The following OR51B5 variants were observed in gnomAD, a reference collection of about 807,000 sequenced individuals.
OR51B5 encodes the protein olfactory receptor family 51 subfamily B member 5, also known as olfactory receptor 51B5.
For missense variants in OR51B5, 456 were observed against 374.6 expected, an observed-to-expected ratio of 1.22 and a Z score of -1.79; for synonymous variants, 186 against 144.8, an observed-to-expected ratio of 1.28 and a Z score of -2.04.
chr11:5,495,825 C>T (rs1353386206), intron 1 of OR51B5, among the ~76,000 whole-genome samples: 2 of 152,102 alleles, frequency 1.3e-5, no homozygotes, highest in Non-Finnish European at 1.5e-5. Flanking sequence ...AACTATATAC[C>T]GCCTGCAAAA....
At chr11:5,385,598 T>C (rs890816895) in intron 1 of OR51B5, 5 of 152,052 alleles carry the variant, frequency 3.3e-5, no homozygotes. Flanking sequence ...AAATGAATTA[T>C]TAGGTTGGTG....
chr11:5,489,734 C>A (rs767656962), intron 1 of OR51B5: 8 of 1,024,396 alleles, frequency 7.8e-6, no homozygotes, highest in Non-Finnish European at 1.2e-5. Context: ...CATGGACACA[C>A]AGTGATGATG....
At chr11:5,343,060 AACAACGGAT>A (rs1848925106) in exon 1 of OR51B5, 2 of 1,613,558 alleles carry the variant, frequency 1.2e-6, no homozygotes, top group Admixed American at 1.7e-5. Context: ...TGATTGGGGG[AACAACGGAT>A]ACAAATCCCC....
intron 1 of OR51B5, among the ~76,000 whole-genome samples, chr11:5,480,426 C>A (rs1851399998): frequency 6.6e-6 from 1 of 150,970 alleles, no homozygotes; most frequent in Non-Finnish European, 1.5e-5. Flanking sequence ...AAATTGACAC[C>A]CTAACATCAC....
chr11:5,460,084 A>G (rs1489177547), intron 1 of OR51B5, among the ~76,000 whole-genome samples: 2 of 152,062 alleles, frequency 1.3e-5, no homozygotes, highest in African/African-American at 2.4e-5. Context: ...TCATGAGATC[A>G]TGTCCTTTTC....
chr11:5,419,267 A>G (rs1850293376), intron 1 of OR51B5, among the ~76,000 whole-genome samples: 1 of 152,180 alleles, frequency 6.6e-6, no homozygotes, highest in East Asian at 1.9e-4. Context: ...AGGAATGAAA[A>G]TGTCTTTAGC....
intron 1 of OR51B5, among the ~76,000 whole-genome samples, chr11:5,379,151 G>T (rs1849572549): frequency 6.6e-6 from 1 of 151,970 alleles, no homozygotes; most frequent in Non-Finnish European, 1.5e-5. Context: ...ATGAGTTCAT[G>T]TCCTTTGTAG....
intron 1 of OR51B5, among the ~76,000 whole-genome samples, chr11:5,457,278 A>C (rs1850974431): frequency 6.6e-6 from 1 of 152,192 alleles, no homozygotes; most frequent in South Asian, 2.1e-4. Flanking sequence ...TAATGGCCTC[A>C]AGCCGCATCC....
intron 1 of OR51B5, among the ~76,000 whole-genome samples, chr11:5,486,726 C>G (rs929210830): frequency 6.6e-6 from 1 of 152,138 alleles, no homozygotes; most frequent in Non-Finnish European, 1.5e-5. Context: ...ATAGGAACCT[C>G]TAGCACAGCC....
intron 1 of OR51B5, among the ~76,000 whole-genome samples, chr11:5,412,916 G>A (rs1440161985): frequency 1.3e-5 from 2 of 152,008 alleles, no homozygotes; most frequent in African/African-American, 2.4e-5. Flanking sequence ...AAATGTCCCT[G>A]TCTGACAGCC....
intron 1 of OR51B5, among the ~76,000 whole-genome samples, chr11:5,379,506 A>C (rs988318120): frequency 6.6e-6 from 1 of 151,896 alleles, no homozygotes; most frequent in African/African-American, 2.4e-5. Context: ...ATAAAGTTCC[A>C]GTTTATTTTT....
chr11:5,493,344 G>A (rs948152720), intron 1 of OR51B5, among the ~76,000 whole-genome samples: 1 of 152,048 alleles, frequency 6.6e-6, no homozygotes, highest in Non-Finnish European at 1.5e-5. Context: ...AAATCGATCT[G>A]CCTTTTTCTA....
At chr11:5,494,679 T>G (rs1176643260) in intron 1 of OR51B5, among the ~76,000 whole-genome samples, 24 of 152,232 alleles carry the variant, frequency 1.6e-4, no homozygotes, top group Admixed American at 1.6e-3. Context: ...ACAAGTCATT[T>G]TCCCTTTTTA....
chr11:5,463,317 G>C (rs991985362), intron 1 of OR51B5, among the ~76,000 whole-genome samples: 2 of 152,216 alleles, frequency 1.3e-5, no homozygotes, highest in African/African-American at 4.8e-5. Flanking sequence ...ACTTTCTACA[G>C]ATTTCTGGAG....
intron 1 of OR51B5, among the ~76,000 whole-genome samples, chr11:5,374,685 T>C (rs1487371799): frequency 1.3e-5 from 2 of 152,036 alleles, no homozygotes; most frequent in Non-Finnish European, 2.9e-5. Context: ...ACGTGAAGAA[T>C]GGAGAAGCCT....
At chr11:5,387,030 A>T (rs1449250069) in intron 1 of OR51B5, among the ~76,000 whole-genome samples, 1 of 152,186 alleles carries the variant, frequency 6.6e-6, no homozygotes, top group Admixed American at 6.5e-5. Flanking sequence ...TAACGGAGTT[A>T]TCTGGACTAG....
intron 1 of OR51B5, chr11:5,489,307 T>C (rs1229169483): frequency 6.2e-7 from 1 of 1,609,720 alleles, no homozygotes; most frequent in African/African-American, 1.3e-5. Flanking sequence ...CAATATTGTC[T>C]ATGGGCTAAC....
chr11:5,395,607 G>C (rs563584365), intron 1 of OR51B5, among the ~76,000 whole-genome samples: 34 of 152,150 alleles, frequency 2.2e-4, no homozygotes, highest in Non-Finnish European at 4.7e-4. Context: ...CTCAGCAATT[G>C]CTCCAATTGA....
intron 1 of OR51B5, among the ~76,000 whole-genome samples, chr11:5,405,529 CT>C (rs35591014): frequency 3.4e-4 from 51 of 151,326 alleles, no homozygotes; most frequent in Middle Eastern, 3.4e-3. Context: ...TTAGAAAGAA[CT>C]TTTTTTTTTT....
Sources: gnomAD v4.1 joint callset for allele counts (sites outside exome capture counted in the v4.1 genomes callset) on GRCh38, gnomAD v4.1.1 for gene constraint, MANE v1.5 for transcripts, NCBI Gene and HGNC (gene_info 2026-07-23, HGNC 2026-07-21) for gene names.